The following PSMD14 variants were observed in gnomAD, a reference collection of about 807,000 sequenced individuals.
PSMD14 encodes ubiquitin C-terminal hydrolase PSMD14.
Under a neutral mutation model 41.2 loss-of-function variants are expected in PSMD14, and 7 were observed. The ratio of observed to expected loss-of-function variants is 0.17; its 90% CI spans 0.10 to 0.32. PSMD14 has a LOEUF of 0.32. PSMD14 is among the 10% of genes least tolerant of loss of function. The probability of loss-of-function intolerance (pLI) is 1.00; values close to 1 mark genes in which losing one functional copy is unlikely to be tolerated. For missense variants in PSMD14, 139 were observed against 375.6 expected (o/e 0.37, Z 5.21); for synonymous variants, 114 against 122.3 (o/e 0.93, Z 0.45).
intron 7 of PSMD14, chr2:161,381,913 A>G (rs1371185248): frequency 6.6e-6 from 1 of 151,880 alleles, no homozygotes; most frequent in Non-Finnish European, 1.5e-5. Flanking sequence ...AAGAGTTGCA[A>G]TTAGTAAAGC....
At chr2:161,394,455 C>T (rs1683763575) in intron 9 of PSMD14, among the ~76,000 whole-genome samples, 1 of 152,110 alleles carries the variant, frequency 6.6e-6, no homozygotes, top group Non-Finnish European at 1.5e-5. Context: ...GACACAAGGT[C>T]ACTCAATAAA....
rs71281822 is a variant in PSMD14 at position 161,357,076 on chromosome 2, C to CTTTTTTTTTTTTTTTT, written c.49-10390_49-10389insTTTTTTTTTTTTTTTT. 4.4e-4 allele frequency among the ~76,000 whole-genome samples: 55 copies of CTTTTTTTTTTTTTTTT among 124,174 alleles called. 7 individuals are homozygous for CTTTTTTTTTTTTTTTT. Among genetic ancestry groups the CTTTTTTTTTTTTTTTT allele is most frequent in the African/African-American group, 1.7e-3 (52 of 31,474 alleles). The allele number at this position is 124,174 out of a possible 152,430, so 81.5% of individuals were successfully genotyped here. On this transcript the variant is annotated intron_variant, in intron 3 of 11. Transcript: ENST00000409682. ...TTTATGCTGTTATAATGGCAAATGC[C>CTTTTTTTTTTTTTTTT]TTTTTTTTTTTTAGCACTTAGTCAA...
intron 3 of PSMD14, among the ~76,000 whole-genome samples, chr2:161,343,156 G>T (rs1195381308): frequency 6.6e-6 from 1 of 152,058 alleles, no homozygotes; most frequent in African/African-American, 2.4e-5. Flanking sequence ...AACCATCACT[G>T]CCATCTGTCA....
chr2:161,313,083 A>C (rs897005603), intron 1 of PSMD14, among the ~76,000 whole-genome samples: 2 of 152,088 alleles, frequency 1.3e-5, no homozygotes, highest in Non-Finnish European at 2.9e-5. Flanking sequence ...ATAGATCTCC[A>C]TTTTGCAGAT....
intron 3 of PSMD14, among the ~76,000 whole-genome samples, chr2:161,354,822 T>A (rs927763488): frequency 8.5e-5 from 13 of 152,226 alleles, no homozygotes; most frequent in African/African-American, 2.9e-4. Context: ...ATAGGGTCTC[T>A]TTATAACCAG....
intron 7 of PSMD14, 123 bp downstream of exon 7, chr2:161,371,445 T>A: frequency 5.1e-6 from 5 of 981,802 alleles, no homozygotes; most frequent in Admixed American, 3.0e-5. Flanking sequence ...GTCTGTTTAC[T>A]TAAAAAACAA....
intron 9 of PSMD14, among the ~76,000 whole-genome samples, chr2:161,394,786 A>G (rs143080524): frequency 3.7e-3 from 562 of 152,232 alleles, no homozygotes; most frequent in South Asian, 0.013. Context: ...TTTTAGGTAT[A>G]TTGTTGTTAG....
chr2:161,320,371 A>G (rs904636868), intron 3 of PSMD14, among the ~76,000 whole-genome samples: 2 of 152,218 alleles, frequency 1.3e-5, no homozygotes, highest in African/African-American at 2.4e-5. Context: ...GCTACATTAT[A>G]TGTCAATGGC....
rs545362720 is a variant in PSMD14 at position 161,341,133 on chromosome 2, G to A, written c.48+22260G>A. 8.8e-6 allele frequency: 11 copies of A among 1,249,522 alleles called. No homozygotes were observed. In the African/African-American group the frequency reaches 1.1e-4, roughly 13 times the overall value. 77.4% of individuals were successfully genotyped at this position (1,249,522 alleles called of 1,614,324 possible). On this transcript the variant is annotated intron_variant, in intron 3 of 11. Transcript: ENST00000409682. ...CTCCTCCGGCCCCGCGGGCGAGGCC[G>A]CCGGCTCGGGGGCGCAGGGGCGGGA...
At chr2:161,374,494 A>G (rs1683478908) in intron 7 of PSMD14, among the ~76,000 whole-genome samples, 1 of 152,002 alleles carries the variant, frequency 6.6e-6, no homozygotes, top group South Asian at 2.1e-4. Context: ...ATGTTTTAAA[A>G]TGATACAGGT....
At chr2:161,309,204 C>T (rs909015792) in intron 1 of PSMD14, among the ~76,000 whole-genome samples, 15 of 152,212 alleles carry the variant, frequency 9.9e-5, no homozygotes, top group Admixed American at 2.0e-4. Flanking sequence ...GATTACATTT[C>T]TCGTTTTAAG....
chr2:161,393,518 T>G (rs1226017486), intron 9 of PSMD14, among the ~76,000 whole-genome samples: 2 of 152,160 alleles, frequency 1.3e-5, no homozygotes, highest in Admixed American at 1.3e-4. Context: ...ACAGGCAGCT[T>G]ATTTTCCAAT....
intron 3 of PSMD14, among the ~76,000 whole-genome samples, chr2:161,338,768 A>G (rs1222367041): frequency 6.6e-6 from 1 of 152,210 alleles, no homozygotes; most frequent in East Asian, 1.9e-4. Context: ...AACATCCATC[A>G]TTCTCAGAAT....
intron 3 of PSMD14, among the ~76,000 whole-genome samples, chr2:161,320,526 T>A (rs972169954): frequency 6.6e-5 from 10 of 152,166 alleles, no homozygotes; most frequent in African/African-American, 2.2e-4. Context: ...CTCAATTAGA[T>A]GATAAACTCT....
chr2:161,318,048 G>A (rs956414579), intron 2 of PSMD14, among the ~76,000 whole-genome samples: 6 of 152,070 alleles, frequency 3.9e-5, no homozygotes, highest in Admixed American at 1.3e-4. Flanking sequence ...AGTATCTTCT[G>A]TAGTTACTCT....
chr2:161,313,828 G>T (rs144758618), intron 1 of PSMD14, among the ~76,000 whole-genome samples: 6 of 152,038 alleles, frequency 3.9e-5, no homozygotes, highest in African/African-American at 7.2e-5. Flanking sequence ...TCTAGTAGGC[G>T]CTAGCTGATT....
Position 161,372,154 on chromosome 2 carries a change from G to A in PSMD14, c.462+832G>A, listed in dbSNP as rs772550632. ...CTACAGACATACAGAAATTGGCTAGGTGGTTACTGCTTTAAAATACTGCTG... is the reference window on the plus strand; with the variant it reads ...CTACAGACATACAGAAATTGGCTAGATGGTTACTGCTTTAAAATACTGCTG... On this transcript the variant is annotated intron_variant, in intron 7 of 11. Transcript: ENST00000409682. Among the ~76,000 whole-genome samples the A allele has an allele frequency of 9.2e-5, 14 of 151,996 alleles. 1 individual carries two copies. The highest frequency in any genetic ancestry group is 1.5e-5 in the Non-Finnish European group (1 of 67,970).
At chr2:161,406,576 T>C (rs1223063984) in intron 10 of PSMD14, among the ~76,000 whole-genome samples, 3 of 152,154 alleles carry the variant, frequency 2.0e-5, no homozygotes, top group African/African-American at 7.2e-5. Context: ...CTTGCCCAGA[T>C]GGTAGATGAG....
At chr2:161,375,659 T>C (rs1300386236) in intron 7 of PSMD14, among the ~76,000 whole-genome samples, 2 of 151,940 alleles carry the variant, frequency 1.3e-5, no homozygotes, top group Admixed American at 1.3e-4. Context: ...AGTGCTTTGA[T>C]TGGTTTTAAT....
Sources: allele counts gnomAD v4.1 joint callset (sites outside exome capture counted in the v4.1 genomes callset), GRCh38; gene constraint gnomAD v4.1.1; transcripts MANE v1.5; gene names NCBI Gene and HGNC (gene_info 2026-07-23, HGNC 2026-07-21).